SOX5: variants seen among roughly 807,000 people sequenced by gnomAD.
The protein encoded by SOX5 is SRY-box transcription factor 5.
In SOX5, 9 loss-of-function variants were observed where a neutral mutation model predicts 92.0. The observed-to-expected ratio is 0.10, with a 90% CI of 0.06 to 0.17. The LOEUF (loss-of-function observed/expected upper bound fraction) is 0.17. SOX5 is among the 10% of genes least tolerant of loss of function. SOX5 has a pLI of 1.00. For synonymous variants in SOX5, 344 were observed against 336.3 expected, an observed-to-expected ratio of 1.02 and a Z score of -0.25; for missense variants, 642 against 944.5, an observed-to-expected ratio of 0.68 and a Z score of 4.20.
intron 1 of SOX5, among the ~76,000 whole-genome samples, chr12:24,457,349 C>A (rs1265587225): frequency 6.6e-6 from 1 of 152,074 alleles, no homozygotes; most frequent in East Asian, 1.9e-4. Context: ...AAAATATATA[C>A]GTCTGTGAAT....
chr12:23,760,378 T>TA (rs1468109079), intron 3 of SOX5, among the ~76,000 whole-genome samples: 4 of 152,126 alleles, frequency 2.6e-5, no homozygotes, highest in East Asian at 3.9e-4. Context: ...GCTTATATTT[T>TA]AAAAAAGAAC....
intron 6 of SOX5, among the ~76,000 whole-genome samples, chr12:23,702,392 T>C (rs1034595353): frequency 5.9e-5 from 9 of 152,174 alleles, no homozygotes; most frequent in African/African-American, 1.9e-4. Context: ...TGATTCATAC[T>C]CATCAAAGTT....
chr12:23,566,871 T>C (rs1241546076), intron 10 of SOX5, among the ~76,000 whole-genome samples: 2 of 152,212 alleles, frequency 1.3e-5, no homozygotes, highest in Non-Finnish European at 2.9e-5. Flanking sequence ...TTCCAGTTCT[T>C]GGTAAGTGTG....
intron 1 of SOX5, among the ~76,000 whole-genome samples, chr12:24,459,753 A>C (rs1943416834): frequency 6.6e-6 from 1 of 152,222 alleles, no homozygotes; most frequent in Non-Finnish European, 1.5e-5. Flanking sequence ...ATAATGCTTC[A>C]TACTTGTATA....
intron 1 of SOX5, among the ~76,000 whole-genome samples, chr12:24,488,925 A>G (rs1946784977): frequency 1.3e-5 from 2 of 152,228 alleles, no homozygotes; most frequent in South Asian, 4.1e-4. Flanking sequence ...TATTTTTAAA[A>G]TATTGTAATA....
intron 4 of SOX5, among the ~76,000 whole-genome samples, chr12:24,072,857 A>G (rs1941984133): frequency 6.6e-6 from 1 of 152,198 alleles, no homozygotes; most frequent in South Asian, 2.1e-4. Context: ...ATTTACTATA[A>G]TTTAAATTAT....
intron 3 of SOX5, among the ~76,000 whole-genome samples, chr12:24,274,705 C>G (rs1336469275): frequency 6.6e-6 from 1 of 151,196 alleles, no homozygotes; most frequent in Non-Finnish European, 1.5e-5. Context: ...GTCATCTCCA[C>G]AATATTTTCT....
intron 6 of SOX5, among the ~76,000 whole-genome samples, chr12:23,702,261 C>T (rs984769275): frequency 6.6e-6 from 1 of 152,018 alleles, no homozygotes; most frequent in African/African-American, 2.4e-5. Context: ...AAGGTTGACT[C>T]TTGCAGAAGT....
At chr12:23,809,454 C>G (rs1433273099) in intron 3 of SOX5, among the ~76,000 whole-genome samples, 1 of 151,438 alleles carries the variant, frequency 6.6e-6, no homozygotes, top group African/African-American at 2.4e-5. Flanking sequence ...TATTCAACAC[C>G]AGTATTACAT....
chr12:24,297,728 T>C (rs1156739160), intron 2 of SOX5, among the ~76,000 whole-genome samples: 5 of 152,184 alleles, frequency 3.3e-5, no homozygotes, highest in Non-Finnish European at 7.3e-5. Flanking sequence ...TCTGGAACTG[T>C]GAGTGACTGC....
chr12:24,042,404 T>A (rs555874523), intron 4 of SOX5, among the ~76,000 whole-genome samples: 80 of 152,198 alleles, frequency 5.3e-4, no homozygotes, highest in African/African-American at 1.7e-3. Flanking sequence ...TGCCTAATAT[T>A]CACAGTAGAA....
At chr12:23,543,414 G>C in intron 12 of SOX5, 30 bp from the exon 13 acceptor site, 1 of 1,583,962 alleles carries the variant, frequency 6.3e-7, no homozygotes, top group Non-Finnish European at 8.6e-7. Context: ...CTTCGTGTTA[G>C]CGTTAAAACT....
chr12:24,243,691 TTTCA>T (rs1565735694), intron 3 of SOX5, among the ~76,000 whole-genome samples: 3 of 152,166 alleles, frequency 2.0e-5, no homozygotes, highest in Non-Finnish European at 4.4e-5. Flanking sequence ...AAAACAGGAT[TTTCA>T]TTCATTAAGT....
At chr12:23,635,599 C>G (rs1426044066) in intron 8 of SOX5, among the ~76,000 whole-genome samples, 4 of 151,916 alleles carry the variant, frequency 2.6e-5, no homozygotes, top group Non-Finnish European at 5.9e-5. Flanking sequence ...GTGCAGCACA[C>G]CAACATGGCA....
At chr12:23,777,992 A>G (rs889063521) in intron 3 of SOX5, among the ~76,000 whole-genome samples, 1 of 152,194 alleles carries the variant, frequency 6.6e-6, no homozygotes, top group African/African-American at 2.4e-5. Flanking sequence ...TGAAACACAA[A>G]TCAACAACTT....
At chr12:24,249,012 C>G (rs1939481051) in intron 3 of SOX5, among the ~76,000 whole-genome samples, 1 of 152,194 alleles carries the variant, frequency 6.6e-6, no homozygotes, top group Non-Finnish European at 1.5e-5. Flanking sequence ...AGAAAAAGTG[C>G]TAAAGAATGG....
chr12:23,735,514 C>CT (rs1322524965), intron 5 of SOX5, among the ~76,000 whole-genome samples: 13 of 152,258 alleles, frequency 8.5e-5, no homozygotes, highest in Middle Eastern at 6.8e-3. Flanking sequence ...TTTAATGGCT[C>CT]TTTCCAGCCA....
intron 3 of SOX5, among the ~76,000 whole-genome samples, chr12:23,819,983 C>A (rs1426826691): frequency 6.6e-6 from 1 of 152,186 alleles, no homozygotes; most frequent in African/African-American, 2.4e-5. Context: ...AATTCTGGTT[C>A]TAGATCCTTG....
chr12:23,991,199 A>C (rs1398510042), intron 4 of SOX5, among the ~76,000 whole-genome samples: 1 of 151,674 alleles, frequency 6.6e-6, no homozygotes, highest in Non-Finnish European at 1.5e-5. Flanking sequence ...GCAAAAAAAA[A>C]AAAAACTTTA....
Sources: allele counts gnomAD v4.1 joint callset (sites outside exome capture counted in the v4.1 genomes callset), GRCh38; gene constraint gnomAD v4.1.1; transcripts MANE v1.5; gene names NCBI Gene and HGNC (gene_info 2026-07-23, HGNC 2026-07-21).